Variants in GPC5 observed in about 807,000 individuals in gnomAD.
GPC5 encodes the protein glypican-5.
Under a neutral mutation model 53.9 loss-of-function variants are expected in GPC5, and 47 were observed. The ratio of observed to expected loss-of-function variants is 0.87; its 90% confidence interval spans 0.69 to 1.11. The LOEUF is 1.11. GPC5 is among the 50% of genes most tolerant of loss of function. The probability of loss-of-function intolerance (pLI) is 0.00; values close to 1 mark genes in which losing one functional copy is unlikely to be tolerated. For missense variants in GPC5, 748 were observed against 713.1 expected (o/e 1.05, Z -0.56); for synonymous variants, 286 against 263.3 (o/e 1.09, Z -0.84).
At chr13:91,692,863 C>G (rs1297743366) in intron 2 of GPC5, among the ~76,000 whole-genome samples, 2 of 152,116 alleles carry the variant, frequency 1.3e-5, no homozygotes, top group Non-Finnish European at 2.9e-5. Context: ...TGGCTGGTCT[C>G]GAACTCTTAC....
intron 7 of GPC5, among the ~76,000 whole-genome samples, chr13:92,454,848 G>A (rs1878199078): frequency 6.6e-6 from 1 of 151,948 alleles, no homozygotes; most frequent in Non-Finnish European, 1.5e-5. Flanking sequence ...AAAAACAGAA[G>A]GAAATATTCC....
rs548894105 is a variant in GPC5, at chr13:92,793,138, A to G, written c.1562-73144A>G. Among the ~76,000 whole-genome samples, 185 of 152,226 alleles carry G rather than the reference A, an allele frequency of 1.2e-3. No homozygotes were observed. The Middle Eastern group carries it at 0.014, about 11-fold the overall frequency. ...AAAATTGACCACATAGTTGGAAGTA[A>G]AGCTCTCCTCAGCAAATGTAAAAGA... On this transcript the variant is annotated intron_variant, in intron 7 of 7. Coordinates refer to ENST00000377067, the MANE Select transcript of GPC5 (RefSeq NM_004466.6).
Position 91,690,625 on chromosome 13 carries a change from C to T in GPC5, c.326-2562C>T, listed in dbSNP as rs562614868. Among the ~76,000 whole-genome samples the T allele has an allele frequency of 2.0e-5, 3 of 152,212 alleles. No individual in the cohort carries two copies. The East Asian group carries it at 5.8e-4, about 29-fold the overall frequency. On this transcript the variant is annotated intron_variant, in intron 2 of 7. Transcript: ENST00000377067. ...GTTAGGGCTACTTAAAGATAAACTC[C>T]ATATTTTCCTAAATCATTGTGTTAT... is the stretch of plus-strand genomic sequence containing the variant.
chr13:92,575,594 C>A (rs1883165982), intron 7 of GPC5, among the ~76,000 whole-genome samples: 1 of 152,004 alleles, frequency 6.6e-6, no homozygotes, highest in Non-Finnish European at 1.5e-5. Flanking sequence ...TTATGGCAGC[C>A]CTAGGAAACT....
chr13:91,517,001 C>T (rs150116579), intron 2 of GPC5, among the ~76,000 whole-genome samples: 5 of 152,168 alleles, frequency 3.3e-5, no homozygotes, highest in African/African-American at 1.2e-4. Context: ...ACATGGGGAC[C>T]CTGGATCTGG....
chr13:92,408,919 A>G (rs543827698), intron 7 of GPC5, among the ~76,000 whole-genome samples: 20 of 152,278 alleles, frequency 1.3e-4, no homozygotes, highest in African/African-American at 4.3e-4. Context: ...GACCTATGGA[A>G]TACACATTAG....
intron 7 of GPC5, among the ~76,000 whole-genome samples, chr13:92,736,350 G>A (rs1037327601): frequency 6.6e-6 from 1 of 152,068 alleles, no homozygotes; most frequent in African/African-American, 2.4e-5. Context: ...TCTTTGCTGT[G>A]TTCTAGAGTT....
intron 5 of GPC5, among the ~76,000 whole-genome samples, chr13:91,769,328 G>C (rs1023305828): frequency 1.3e-5 from 2 of 152,120 alleles, no homozygotes; most frequent in Non-Finnish European, 2.9e-5. Flanking sequence ...TCACAGCAAC[G>C]TGTAGACTGC....
At chr13:92,580,835 A>G (rs1291885750) in intron 7 of GPC5, among the ~76,000 whole-genome samples, 1 of 152,164 alleles carries the variant, frequency 6.6e-6, no homozygotes. Flanking sequence ...ACCAGGCCCC[A>G]CCTGCAACAT....
intron 7 of GPC5, among the ~76,000 whole-genome samples, chr13:92,450,206 G>A (rs968228022): frequency 2.0e-5 from 3 of 152,154 alleles, no homozygotes; most frequent in South Asian, 2.1e-4. Context: ...TATCTCCCAC[G>A]CCAGCAACAC....
chr13:91,580,481 A>T (rs551222516), intron 2 of GPC5, among the ~76,000 whole-genome samples: 1 of 152,134 alleles, frequency 6.6e-6, no homozygotes, highest in South Asian at 2.1e-4. Flanking sequence ...AGGCTTGGAA[A>T]TTTTTTTCTT....
At position 92,229,486 on chromosome 13, in the gene GPC5, TAAAG is replaced by T. The variant is rs200792759; in HGVS notation, c.1561+84498_1561+84501del. On this transcript the variant is annotated intron_variant, in intron 7 of 7. Transcript: ENST00000377067. Reference sequence around the variant, plus strand: ...TTCCTAATAAAATCTTGATTGTAAATAAAGCATATATTTTTAGGTTGAGCTTCTG... The same window carrying T: ...TTCCTAATAAAATCTTGATTGTAAATCATATATTTTTAGGTTGAGCTTCTG... Among the ~76,000 whole-genome samples the T allele has an allele frequency of 9.7e-3, 1,481 of 152,250 alleles. 26 individuals carry two copies. The highest frequency in any genetic ancestry group is 0.033 in the African/African-American group (1,391 of 41,574).
chr13:92,294,448 A>T (rs921275554), intron 7 of GPC5, among the ~76,000 whole-genome samples: 1 of 152,114 alleles, frequency 6.6e-6, no homozygotes, highest in African/African-American at 2.4e-5. Flanking sequence ...CTTTCCAGGA[A>T]TTTATCCATC....
chr13:92,313,074 A>T (rs1484401355), intron 7 of GPC5, among the ~76,000 whole-genome samples: 1 of 152,180 alleles, frequency 6.6e-6, no homozygotes, highest in Non-Finnish European at 1.5e-5. Flanking sequence ...ACTTGTTCAT[A>T]TAAAGAGTGA....
At chr13:92,123,208 C>T (rs1002902896) in intron 6 of GPC5, among the ~76,000 whole-genome samples, 4 of 151,870 alleles carry the variant, frequency 2.6e-5, no homozygotes, top group African/African-American at 9.7e-5. Context: ...AGTTTGAAAC[C>T]AGCCTGGCCA....
intron 7 of GPC5, among the ~76,000 whole-genome samples, chr13:92,509,005 C>T (rs1345401167): frequency 6.6e-6 from 1 of 152,154 alleles, no homozygotes; most frequent in East Asian, 1.9e-4. Context: ...TAGAGAAAAA[C>T]CTGTGCTTGT....
chr13:91,865,109 C>G (rs181818835), intron 5 of GPC5, among the ~76,000 whole-genome samples: 3 of 151,842 alleles, frequency 2.0e-5, no homozygotes, highest in African/African-American at 7.3e-5. Flanking sequence ...CGGGGTTTCA[C>G]GATATTGGCC....
rs186492213 is a variant in GPC5, at chr13:91,588,445, A to G, written c.326-104742A>G. ...CTCTGAGCCTCATTTTGCATTGCTG[A>G]GTAGAGGGAATGATAGTGCCACTTT... On this transcript the variant is annotated intron_variant, in intron 2 of 7. Coordinates refer to ENST00000377067, the MANE Select transcript of GPC5 (RefSeq NM_004466.6). Among the ~76,000 whole-genome samples the G allele has an allele frequency of 2.0e-3, 310 of 152,192 alleles. 2 individuals are homozygous for G. Among genetic ancestry groups the G allele is most frequent in the Middle Eastern group, 3.4e-3 (1 of 294 alleles).
intron 5 of GPC5, among the ~76,000 whole-genome samples, chr13:91,847,863 T>C (rs1309749500): frequency 6.6e-6 from 1 of 152,218 alleles, no homozygotes; most frequent in Non-Finnish European, 1.5e-5. Flanking sequence ...TTAGTGACCA[T>C]AAATCTAATT....
Sources: allele counts gnomAD v4.1 joint callset (sites outside exome capture counted in the v4.1 genomes callset), GRCh38; gene constraint gnomAD v4.1.1; transcripts MANE v1.5; gene names NCBI Gene and HGNC (gene_info 2026-07-23, HGNC 2026-07-21).